The following UBE2L6 variants were observed in gnomAD, a reference collection of about 807,000 sequenced individuals.
The protein encoded by UBE2L6 is ubiquitin conjugating enzyme E2 L6.
In UBE2L6, 11 loss-of-function variants were observed where a neutral mutation model predicts 13.6. The ratio of observed to expected loss-of-function variants is 0.81; its 90% CI spans 0.51 to 1.34. The LOEUF (loss-of-function observed/expected upper bound fraction) is 1.34, where lower values mean the gene tolerates loss of function less well. Among genes scored for constraint, UBE2L6 ranks in the 40% most tolerant of loss-of-function variants. The probability of loss-of-function intolerance (pLI) is 0.00; values close to 1 mark genes in which losing one functional copy is unlikely to be tolerated. For synonymous variants in UBE2L6, 74 were observed against 83.2 expected (o/e 0.89, Z 0.60); for missense variants, 197 against 199.5 (o/e 0.99, Z 0.07).
intron 1 of UBE2L6, among the ~76,000 whole-genome samples, chr11:57,566,121 A>T (rs1029918316): frequency 6.6e-6 from 1 of 152,204 alleles, no homozygotes; most frequent in Non-Finnish European, 1.5e-5. Context: ...TTTGGCAAGA[A>T]CAAAGCCCAG....
chr11:57,554,154 A>G (rs143933846), intron 3 of UBE2L6, among the ~76,000 whole-genome samples: 75 of 152,308 alleles, frequency 4.9e-4, no homozygotes, highest in Non-Finnish European at 9.0e-4. Flanking sequence ...CAGAGGGAAC[A>G]GCGGGCTTTC....
Position 57,552,115 on chromosome 11 carries a change from G to T in UBE2L6, c.*243C>A. ...TGCAAACTTAAACTCCCTTGGCTCT[G>T]GGGAATGTAAAGGGTGTGGGAAGGG... is the stretch of plus-strand genomic sequence containing the variant. On this transcript the variant is annotated 3_prime_UTR_variant, in exon 4 of 4. Transcript: ENST00000287156. The T allele has an allele frequency of 2.0e-6, 1 of 512,118 alleles. No individual in the cohort carries two copies. The highest frequency in any genetic ancestry group is 3.4e-6 in the Non-Finnish European group (1 of 290,312). The allele number at this position is 512,118 out of a possible 1,614,324, so 31.7% of individuals were successfully genotyped here. A position where few individuals can be genotyped will look rare whatever the true frequency, so the allele number is the denominator to read the frequency against.
rs768235702 is a variant in UBE2L6 at position 57,554,522 on chromosome 11, G to A, written c.225C>T (p.Tyr75=). 6.2e-7 allele frequency: 1 copy of A among 1,613,764 alleles called. No individual in the cohort carries two copies. Among genetic ancestry groups the A allele is most frequent in the Non-Finnish European group, 8.5e-7 (1 of 1,179,928 alleles). Residue 75 remains tyrosine, a synonymous_variant, in exon 3 of 4, where the codon TAC becomes TAT. Coordinates refer to ENST00000287156, the MANE Select transcript of UBE2L6 (RefSeq NM_004223.5). The part of the protein sequence containing the change: ...PPMIKFTTKI[Y]HPNVDENGQI... ...GTCCGTTCTCGTCCACGTTGGGGTG[G>A]TAGATCTTGGTTGTGAATTTGATCA...
intron 1 of UBE2L6, among the ~76,000 whole-genome samples, chr11:57,563,533 C>T (rs566774256): frequency 6.8e-6 from 1 of 147,158 alleles, no homozygotes; most frequent in South Asian, 2.2e-4. Context: ...CATACTGAAA[C>T]GCATCAGTCT....
intron 3 of UBE2L6, among the ~76,000 whole-genome samples, chr11:57,553,993 G>A (rs1161104665): frequency 6.6e-6 from 1 of 152,136 alleles, no homozygotes; most frequent in Non-Finnish European, 1.5e-5. Flanking sequence ...GCTTGTTGGG[G>A]AAATAAAAAT....
intron 3 of UBE2L6, among the ~76,000 whole-genome samples, chr11:57,554,035 C>T (rs1454261730): frequency 6.6e-6 from 1 of 152,106 alleles, no homozygotes; most frequent in Non-Finnish European, 1.5e-5. Context: ...TAGCACAGTG[C>T]CGAAAGTGCT....
intron 1 of UBE2L6, among the ~76,000 whole-genome samples, chr11:57,563,237 C>T (rs2135281295): frequency 6.6e-6 from 1 of 152,018 alleles, no homozygotes; most frequent in East Asian, 1.9e-4. Flanking sequence ...TGCCTGTAAT[C>T]CCAGCACTTT....
Position 57,552,085 on chromosome 11 carries a change from G to A in UBE2L6, c.*273C>T. ...AGATGGAGAGCTGGAGAACTGGCCT[G>A]TAACTGCAAACTTAAACTCCCTTGG... is the stretch of plus-strand genomic sequence containing the variant. On this transcript the variant is annotated 3_prime_UTR_variant, in exon 4 of 4. Transcript: ENST00000287156. The A allele has an allele frequency of 2.4e-6, 1 of 413,152 alleles. No homozygotes were observed. The highest frequency in any genetic ancestry group is 3.0e-5 in the South Asian group (1 of 33,876). 25.6% of individuals were successfully genotyped at this position (413,152 alleles called of 1,614,324 possible).
chr11:57,562,549 C>T (rs1003424153), intron 1 of UBE2L6, among the ~76,000 whole-genome samples: 1 of 152,252 alleles, frequency 6.6e-6, no homozygotes, highest in African/African-American at 2.4e-5. Context: ...GGCTTCAGGC[C>T]TGACCCAGTG....
chr11:57,554,433 C>G lies in UBE2L6; in HGVS notation c.310+4G>C, dbSNP rs1308582748. The G allele has an allele frequency of 1.9e-6, 3 of 1,613,116 alleles. No homozygotes were observed. The African/African-American group carries it at 4.0e-5, about 22-fold the overall frequency. On this transcript the variant is annotated splice_donor_region_variant and intron_variant, in intron 3 of 3. Transcript: ENST00000287156. ...TCCCTCCTCCAAGCAAAGCCCAACC[C>G]CACCTTGGCAAGTCTTGGTGCAAGG... is the stretch of plus-strand genomic sequence containing the variant.
chr11:57,567,842 G>A, upstream of UBE2L6: 2 of 476,730 alleles, frequency 4.2e-6, no homozygotes, highest in Non-Finnish European at 7.3e-6. Context: ...TCGGACCCGG[G>A]ACTCACGGTC....
intron 1 of UBE2L6, among the ~76,000 whole-genome samples, chr11:57,561,795 C>T (rs1945049080): frequency 6.6e-6 from 1 of 152,160 alleles, no homozygotes; most frequent in African/African-American, 2.4e-5. Context: ...CAGTACTTCT[C>T]AAATGTATTT....
At chr11:57,561,693 C>T (rs890549657) in intron 1 of UBE2L6, among the ~76,000 whole-genome samples, 4 of 152,184 alleles carry the variant, frequency 2.6e-5, no homozygotes, top group Non-Finnish European at 5.9e-5. Context: ...TGGTAAATCT[C>T]GGCTAAAGAG....
chr11:57,562,516 T>A (rs559777314), intron 1 of UBE2L6, among the ~76,000 whole-genome samples: 91 of 152,332 alleles, frequency 6.0e-4, no homozygotes, highest in African/African-American at 2.1e-3. Context: ...CAGCGGGCCT[T>A]GAGCAAAACC....
At chr11:57,555,613 G>A (rs1944991531) in intron 2 of UBE2L6, among the ~76,000 whole-genome samples, 1 of 152,196 alleles carries the variant, frequency 6.6e-6, no homozygotes, top group African/African-American at 2.4e-5. Context: ...GTCTCGCTCT[G>A]TCACCCAGGC....
intron 1 of UBE2L6, 102 bp downstream of exon 1, chr11:57,567,483 A>T (rs1945101822): frequency 1.3e-6 from 2 of 1,509,356 alleles, no homozygotes; most frequent in African/African-American, 1.4e-5. Context: ...TGCCCAGACA[A>T]ATAAATAAAT....
At chr11:57,555,293 T>C (rs928949257) in intron 2 of UBE2L6, among the ~76,000 whole-genome samples, 1 of 152,220 alleles carries the variant, frequency 6.6e-6, no homozygotes, top group East Asian at 1.9e-4. Flanking sequence ...AATGGAGTAT[T>C]ATTTAGCCTT....
chr11:57,565,476 T>C (rs560706100), intron 1 of UBE2L6, among the ~76,000 whole-genome samples: 1 of 147,632 alleles, frequency 6.8e-6, no homozygotes, highest in South Asian at 2.3e-4. Flanking sequence ...GTGATCTTGC[T>C]ACCTCAGCCT....
intron 1 of UBE2L6, among the ~76,000 whole-genome samples, chr11:57,563,953 G>T (rs1945066871): frequency 6.6e-6 from 1 of 152,154 alleles, no homozygotes; most frequent in Non-Finnish European, 1.5e-5. Context: ...ACAGGATCTA[G>T]ACAATGGCCT....
Sources: allele counts gnomAD v4.1 joint callset (sites outside exome capture counted in the v4.1 genomes callset), GRCh38; gene constraint gnomAD v4.1.1; transcripts MANE v1.5; gene names NCBI Gene and HGNC (gene_info 2026-07-23, HGNC 2026-07-21).